Variants in ANGPTL5 observed in about 807,000 individuals in gnomAD.
The protein encoded by ANGPTL5 is angiopoietin like 5, also known as angiopoietin-related protein 5.
In ANGPTL5, 34 loss-of-function variants were observed where a neutral mutation model predicts 39.4. That is an observed-to-expected ratio of 0.86 (90% CI 0.66 to 1.15). ANGPTL5 has a LOEUF of 1.15. Among genes scored for constraint, ANGPTL5 ranks in the 50% most tolerant of loss-of-function variants. The pLI is 0.00. For missense variants in ANGPTL5, 467 were observed against 457.5 expected (o/e 1.02, Z -0.19); for synonymous variants, 146 against 152.1 (o/e 0.96, Z 0.29).
intron 7 of ANGPTL5, among the ~76,000 whole-genome samples, chr11:101,897,111 G>A (rs375248254): frequency 2.7e-4 from 41 of 152,332 alleles, no homozygotes; most frequent in African/African-American, 9.9e-4. Context: ...GACCAGTGAT[G>A]ACAAGCTTTT....
At chr11:101,913,413 T>G (rs1348302508) in intron 1 of ANGPTL5, among the ~76,000 whole-genome samples, 1 of 152,204 alleles carries the variant, frequency 6.6e-6, no homozygotes, top group Non-Finnish European at 1.5e-5. Flanking sequence ...TTAGCCAACT[T>G]TTCAGCATAA....
intron 6 of ANGPTL5, 126 bp from the exon 7 acceptor site, chr11:101,900,676 T>A (rs768075167): frequency 4.5e-6 from 4 of 887,012 alleles, no homozygotes; most frequent in East Asian, 2.6e-5. Flanking sequence ...TTCAATGCAA[T>A]CATATGCCAT....
At chr11:101,913,893 A>ACT (rs1370769044) in intron 1 of ANGPTL5, among the ~76,000 whole-genome samples, 2 of 152,244 alleles carry the variant, frequency 1.3e-5, no homozygotes, top group African/African-American at 4.8e-5. Flanking sequence ...AAGATAGCCA[A>ACT]GTGTCCAGTT....
intron 7 of ANGPTL5, among the ~76,000 whole-genome samples, chr11:101,895,600 A>C (rs760710955): frequency 1.2e-4 from 18 of 152,170 alleles, no homozygotes; most frequent in Non-Finnish European, 2.1e-4. Context: ...TCTTTGCTAC[A>C]ATGCAGCTGG....
Position 101,907,956 on chromosome 11 carries a change from C to A in ANGPTL5, c.-47G>T, listed in dbSNP as rs1037613629. The A allele has an allele frequency of 6.6e-6, 9 of 1,357,288 alleles. No individual in the cohort carries two copies. Among genetic ancestry groups the A allele is most frequent in the African/African-American group, 1.4e-5 (1 of 69,424 alleles). The allele number at this position is 1,357,288 out of a possible 1,614,324, so 84.1% of individuals were successfully genotyped here. A position where few individuals can be genotyped will look rare whatever the true frequency, so the allele number is the denominator to read the frequency against. On this transcript the variant is annotated 5_prime_UTR_variant, in exon 2 of 9. The change creates a premature stop within an existing upstream ORF in the 5' untranslated region. Coordinates refer to ENST00000334289, the MANE Select transcript of ANGPTL5 (RefSeq NM_178127.5). ...ACACTTCTTCAAATATCAGTCAGCT[C>A]TTTGTGGAAAGAACTACAGAGCATA... is the stretch of plus-strand genomic sequence containing the variant.
In ANGPTL5 at chr11:101,894,874, C is replaced by G. The variant is rs779915483; in HGVS notation, c.847+5G>C. 1 of 1,609,312 alleles carries G rather than the reference C, an allele frequency of 6.2e-7. No individual in the cohort carries two copies. Among genetic ancestry groups the G allele is most frequent in the South Asian group, 1.1e-5 (1 of 90,896 alleles). On this transcript the variant is annotated splice_donor_5th_base_variant and intron_variant, in intron 8 of 8. Transcript: ENST00000334289. Reference sequence around the variant, plus strand: ...GGATAATTTTAGGAATAAAAAAAATCTTACCAGCATTTCCTGAATACCGTC... The same window carrying G: ...GGATAATTTTAGGAATAAAAAAAATGTTACCAGCATTTCCTGAATACCGTC...
intron 5 of ANGPTL5, among the ~76,000 whole-genome samples, chr11:101,904,225 A>G (rs182236758): frequency 3.3e-5 from 5 of 152,320 alleles, no homozygotes; most frequent in Non-Finnish European, 2.9e-5. Flanking sequence ...GAAGAAGGAC[A>G]TAAAGATCAT....
intron 8 of ANGPTL5, among the ~76,000 whole-genome samples, chr11:101,894,273 G>A (rs1036965127): frequency 1.3e-5 from 2 of 152,132 alleles, no homozygotes; most frequent in Admixed American, 1.3e-4. Flanking sequence ...ACAGCAACAA[G>A]GGAGTTGAAT....
At chr11:101,907,284 T>A (rs1168388544) in intron 2 of ANGPTL5, 37 bp from the exon 3 acceptor site, 1 of 1,276,378 alleles carries the variant, frequency 7.8e-7, no homozygotes, top group Non-Finnish European at 1.1e-6. Flanking sequence ...AAAAAATACA[T>A]TAAACATGTT....
intron 7 of ANGPTL5, among the ~76,000 whole-genome samples, chr11:101,895,833 C>A (rs968524167): frequency 2.6e-5 from 4 of 152,146 alleles, no homozygotes; most frequent in Non-Finnish European, 5.9e-5. Flanking sequence ...TATGCCTCTA[C>A]TTGAATCATA....
In ANGPTL5 at chr11:101,903,871, T is replaced by C. The variant is rs542753109; in HGVS notation, c.439+943A>G. The stretch of plus-strand genomic sequence containing the variant: ...AAGCAAGCCCTTATATTGTTCTGCC[T>C]GTGATTCGGGCATTTTTTTTATTTC... On this transcript the variant is annotated intron_variant, in intron 5 of 8. Coordinates refer to ENST00000334289, the MANE Select transcript of ANGPTL5 (RefSeq NM_178127.5). Among the ~76,000 whole-genome samples the C allele has an allele frequency of 1.0e-3, 145 of 140,910 alleles. 1 individual carries two copies. Among genetic ancestry groups the C allele is most frequent in the Middle Eastern group, 3.7e-3 (1 of 272 alleles). 92.4% of individuals were successfully genotyped at this position (140,910 alleles called of 152,430 possible). A position where few individuals can be genotyped will look rare whatever the true frequency, so the allele number is the denominator to read the frequency against.
At chr11:101,906,704 T>C (rs1284825201) in intron 3 of ANGPTL5, among the ~76,000 whole-genome samples, 2 of 152,148 alleles carry the variant, frequency 1.3e-5, no homozygotes, top group African/African-American at 4.8e-5. Context: ...TTTTCTAACT[T>C]TCTTTCCACC....
At chr11:101,893,911 C>A (rs1008675687) in intron 8 of ANGPTL5, among the ~76,000 whole-genome samples, 1 of 152,134 alleles carries the variant, frequency 6.6e-6, no homozygotes, top group Non-Finnish European at 1.5e-5. Context: ...AAAAGCCTAA[C>A]CATTCTTCCA....
At chr11:101,898,638 A>C (rs974733159) in intron 7 of ANGPTL5, among the ~76,000 whole-genome samples, 1 of 152,004 alleles carries the variant, frequency 6.6e-6, no homozygotes, top group Admixed American at 6.6e-5. Flanking sequence ...CCCTTTATTT[A>C]TTTCTCTTGC....
chr11:101,898,880 T>C lies in ANGPTL5; in HGVS notation c.661+1550A>G, dbSNP rs186807994. Reference sequence around the variant, plus strand: ...GGAGTGTTGAATTTATCAAAGGGCTTTTCTGCGTTTATTGAGATAATCATG... The same window carrying C: ...GGAGTGTTGAATTTATCAAAGGGCTCTTCTGCGTTTATTGAGATAATCATG... On this transcript the variant is annotated intron_variant, in intron 7 of 8. Transcript: ENST00000334289. Among the ~76,000 whole-genome samples, 132 of 152,352 alleles carry C rather than the reference T, an allele frequency of 8.7e-4. 1 individual carries two copies. The highest frequency in any genetic ancestry group is 6.8e-3 in the Middle Eastern group (2 of 294).
At chr11:101,891,713 T>G in intron 8 of ANGPTL5, 115 bp from the exon 9 acceptor site, 1 of 1,073,528 alleles carries the variant, frequency 9.3e-7, no homozygotes, top group Admixed American at 2.1e-5. Context: ...TAAATTATTT[T>G]CCTACTGTTT....
Position 101,907,176 on chromosome 11 carries a change from A to G in ANGPTL5, c.168T>C (p.Val56=). The stretch of plus-strand genomic sequence containing the variant: ...ATGATTCCTCACAGTCTTCCTTACA[A>G]ACAGTATCATTACTTTTACTTTCAT... ...AKDESKSNDT[V]CKEDCEESCD... is the part of the protein sequence containing the mutation. The change falls in exon 3 of 9, where the codon GTT becomes GTC. Residue 56 remains valine (V), a synonymous_variant. Coordinates refer to ENST00000334289, the MANE Select transcript of ANGPTL5 (RefSeq NM_178127.5). 1.9e-6 allele frequency: 3 copies of G among 1,584,598 alleles called. No individual in the cohort carries two copies. The highest frequency in any genetic ancestry group is 2.6e-6 in the Non-Finnish European group (3 of 1,155,998).
chr11:101,904,276 G>C (rs906702238), intron 5 of ANGPTL5, among the ~76,000 whole-genome samples: 1 of 151,988 alleles, frequency 6.6e-6, no homozygotes, highest in African/African-American at 2.4e-5. Flanking sequence ...TTAAACATTT[G>C]GGGATAAATT....
rs1252365242 is a variant in ANGPTL5, at chr11:101,894,875, T to C, written c.847+4A>G. The C allele has an allele frequency of 4.3e-6, 7 of 1,609,730 alleles. No homozygotes were observed. The highest frequency in any genetic ancestry group is 5.9e-6 in the Non-Finnish European group (7 of 1,176,476). On this transcript the variant is annotated splice_donor_region_variant and intron_variant, in intron 8 of 8. Coordinates refer to ENST00000334289, the MANE Select transcript of ANGPTL5 (RefSeq NM_178127.5). ...GATAATTTTAGGAATAAAAAAAATC[T>C]TACCAGCATTTCCTGAATACCGTCC... is the stretch of plus-strand genomic sequence containing the variant.
Sources: gnomAD v4.1 joint callset for allele counts (sites outside exome capture counted in the v4.1 genomes callset) on GRCh38, gnomAD v4.1.1 for gene constraint, MANE v1.5 for transcripts, NCBI Gene and HGNC (gene_info 2026-07-23, HGNC 2026-07-21) for gene names.